LMBRD2: variants seen among roughly 807,000 people sequenced by gnomAD.
LMBRD2 encodes LMBR1 domain containing 2.
In LMBRD2, 55 loss-of-function variants were observed where a neutral mutation model predicts 94.4. That is an observed-to-expected ratio of 0.58 (90% CI 0.47 to 0.73). LMBRD2 has a LOEUF of 0.73. Ranked by LOEUF, LMBRD2 falls within the 30% of genes least tolerant of loss-of-function variation. The probability of loss-of-function intolerance (pLI) is 0.00; values close to 1 mark genes in which losing one functional copy is unlikely to be tolerated. For synonymous variants in LMBRD2, 246 were observed against 272.4 expected (o/e 0.90, Z 0.95); for missense variants, 640 against 831.9 (o/e 0.77, Z 2.84).
intron 7 of LMBRD2, among the ~76,000 whole-genome samples, chr5:36,123,940 T>C (rs984974956): frequency 1.3e-5 from 2 of 151,948 alleles, no homozygotes; most frequent in Admixed American, 1.3e-4. Flanking sequence ...ATTTCCATCA[T>C]TGTCATGACA....
At chr5:36,114,276 C>T in intron 13 of LMBRD2, 148 bp downstream of exon 13, 4 of 845,552 alleles carry the variant, frequency 4.7e-6, no homozygotes, top group African/African-American at 1.8e-5. Context: ...CACCTGATCA[C>T]TCAAGTAGTC....
intron 6 of LMBRD2, among the ~76,000 whole-genome samples, chr5:36,128,408 G>T (rs1301300705): frequency 6.6e-6 from 1 of 152,126 alleles, no homozygotes; most frequent in African/African-American, 2.4e-5. Flanking sequence ...AGAAAAACAT[G>T]ACCTCACCAA....
At chr5:36,122,787 A>G (rs1743917677) in intron 8 of LMBRD2, 61 bp downstream of exon 8, 3 of 1,519,644 alleles carry the variant, frequency 2.0e-6, no homozygotes, top group Non-Finnish European at 2.6e-6. Context: ...TTTTATGAGC[A>G]ATGATTAGAA....
At chr5:36,111,650 T>C (rs1743609770) in intron 13 of LMBRD2, among the ~76,000 whole-genome samples, 1 of 152,108 alleles carries the variant, frequency 6.6e-6, no homozygotes, top group Non-Finnish European at 1.5e-5. Context: ...TACTATATCT[T>C]ATCTGAAGAC....
rs746121574 is a variant in LMBRD2, at chr5:36,098,909, C to T, written c.*5137G>A. On this transcript the variant is annotated 3_prime_UTR_variant, in exon 18 of 18. Transcript: ENST00000296603. ...GTGGCAATGGCTAACTAAAGATAAACTTGGCATCATGCACCAAAAATGACC... is the reference window on the plus strand; with the variant it reads ...GTGGCAATGGCTAACTAAAGATAAATTTGGCATCATGCACCAAAAATGACC... The T allele has an allele frequency of 2.0e-5, 3 of 152,058 alleles. No individual in the cohort carries two copies. The highest frequency in any genetic ancestry group is 4.4e-5 in the Non-Finnish European group (3 of 67,958). 9.4% of individuals were successfully genotyped at this position (152,058 alleles called of 1,614,324 possible).
At chr5:36,116,730 G>A in intron 10 of LMBRD2, 137 bp from the exon 11 acceptor site, 4 of 740,038 alleles carry the variant, frequency 5.4e-6, no homozygotes, top group Non-Finnish European at 6.4e-6. Context: ...AGGCTGGAGT[G>A]CAGTGGCGCG....
Position 36,115,075 on chromosome 5 carries a change from A to G in LMBRD2, c.1482T>C (p.Gly494=). Residue 494 remains glycine (G), a synonymous_variant, in exon 12 of 18, where the codon GGT becomes GGC. Transcript: ENST00000296603. ...LTPPLCLNFL[G]LTHMDSSISH... ...AGATAGATGAATCCATATGGGTCAAACCCAAGAAATTAAGACATAAAGGAG... is the reference window on the plus strand; with the variant it reads ...AGATAGATGAATCCATATGGGTCAAGCCCAAGAAATTAAGACATAAAGGAG... The G allele has an allele frequency of 6.2e-7, 1 of 1,612,432 alleles. No homozygotes were observed. The highest frequency in any genetic ancestry group is 8.5e-7 in the Non-Finnish European group (1 of 1,179,080).
In LMBRD2 at chr5:36,116,586, C is replaced by G. The variant is rs1008100873; in HGVS notation, c.1310G>C (p.Cys437Ser). ...TYNYIYIEIACFLSIFFLSIC... is the reference protein window; with the variant it reads ...TYNYIYIEIASFLSIFFLSIC... ...ACTTAGGAAGAAGATGGAAAGGAAG[C>G]AGGCAATCTGGAAAAAAACAAAAAC... The change falls in exon 11 of 18, where the codon TGC (cysteine) becomes TCC (serine). Residue 437 changes from cysteine (C) to serine (S), a missense_variant. Around this residue, in one of 2 missense-constraint regions of LMBRD2, gnomAD observed 457 missense variants for 642.8 expected, o/e 0.71. Coordinates refer to ENST00000296603, the MANE Select transcript of LMBRD2 (RefSeq NM_001007527.2). 6.2e-7 allele frequency: 1 copy of G among 1,610,586 alleles called. No individual in the cohort carries two copies. The highest frequency in any genetic ancestry group is 1.3e-5 in the African/African-American group (1 of 74,596).
At chr5:36,124,398 A>T in intron 6 of LMBRD2, 133 bp from the exon 7 acceptor site, 1 of 544,420 alleles carries the variant, frequency 1.8e-6, no homozygotes, top group Non-Finnish European at 3.3e-6. Flanking sequence ...TTACATGAAT[A>T]AAGGTTCTTA....
chr5:36,117,668 G>A, intron 10 of LMBRD2, 67 bp downstream of exon 10: 1 of 1,119,218 alleles, frequency 8.9e-7, no homozygotes, highest in Admixed American at 2.7e-5. Context: ...AGAAATACAT[G>A]GAGAAAATAG....
chr5:36,148,967 A>G lies in LMBRD2; in HGVS notation c.-58+2589T>C, dbSNP rs142141082. Among the ~76,000 whole-genome samples, 223 of 152,358 alleles carry G rather than the reference A, an allele frequency of 1.5e-3. 1 individual carries two copies. Among genetic ancestry groups the G allele is most frequent in the African/African-American group, 5.0e-3 (208 of 41,582 alleles). ...ACGCAAACTTTTTACATTACAGATTATACTACTATTACTTGATTTAAGGGT... is the reference window on the plus strand; with the variant it reads ...ACGCAAACTTTTTACATTACAGATTGTACTACTATTACTTGATTTAAGGGT... On this transcript the variant is annotated intron_variant, in intron 1 of 17. Transcript: ENST00000296603.
At position 36,108,594 on chromosome 5, in the gene LMBRD2, T is replaced by C; in HGVS notation, c.1837A>G (p.Asn613Asp). Residue 613 changes from asparagine to aspartate, a missense_variant, in exon 16 of 18, where the codon AAC becomes GAC. Coordinates refer to ENST00000296603, the MANE Select transcript of LMBRD2 (RefSeq NM_001007527.2). Reference sequence around the variant, plus strand: ...TTGGGGTCAGTATGAATATTTCTGTTCCTAGTGGAATCTTCTCTATTGTGT... The same window carrying C: ...TTGGGGTCAGTATGAATATTTCTGTCCCTAGTGGAATCTTCTCTATTGTGT... The part of the protein sequence containing the change: ...YGHNREDSTR[N>D]RNIHTDPKES... The C allele has an allele frequency of 6.3e-7, 1 of 1,596,130 alleles. No individual in the cohort carries two copies. Among genetic ancestry groups the C allele is most frequent in the African/African-American group, 1.3e-5 (1 of 74,758 alleles).
chr5:36,100,080 T>C lies in LMBRD2; in HGVS notation c.*3966A>G, dbSNP rs931370208. The C allele has an allele frequency of 1.3e-5, 2 of 152,122 alleles. No homozygotes were observed. The highest frequency in any genetic ancestry group is 2.9e-5 in the Non-Finnish European group (2 of 68,012). 9.4% of individuals were successfully genotyped at this position (152,122 alleles called of 1,614,324 possible). A position where few individuals can be genotyped will look rare whatever the true frequency, so the allele number is the denominator to read the frequency against. On this transcript the variant is annotated 3_prime_UTR_variant, in exon 18 of 18. Coordinates refer to ENST00000296603, the MANE Select transcript of LMBRD2 (RefSeq NM_001007527.2). ...CACTGAGTTGGAAAGAAGTACCTCA[T>C]ACAGATGGGAATTCATATTTTAGAA...
chr5:36,100,246 T>TA lies in LMBRD2; in HGVS notation c.*3799dup, dbSNP rs973856468. 2.0e-5 allele frequency: 3 copies of TA among 152,120 alleles called. No homozygotes were observed. Among genetic ancestry groups the TA allele is most frequent in the African/African-American group, 7.2e-5 (3 of 41,444 alleles). The allele number at this position is 152,120 out of a possible 1,614,324, so 9.4% of individuals were successfully genotyped here. ...TTTGGGGGGGAAATCTATTTTTATG[T>TA]AAAAATATTACACTGAAAACAATTT... On this transcript the variant is annotated 3_prime_UTR_variant, in exon 18 of 18. Coordinates refer to ENST00000296603, the MANE Select transcript of LMBRD2 (RefSeq NM_001007527.2).
chr5:36,148,190 GA>G (rs998216566), intron 1 of LMBRD2, among the ~76,000 whole-genome samples: 4 of 150,768 alleles, frequency 2.7e-5, no homozygotes, highest in African/African-American at 7.3e-5. Flanking sequence ...AGGTATGAGA[GA>G]GTTCAGTTTA....
intron 13 of LMBRD2, 30 bp from the exon 14 acceptor site, chr5:36,111,288 A>G (rs758452465): frequency 5.8e-6 from 8 of 1,371,666 alleles, no homozygotes; most frequent in Non-Finnish European, 7.3e-6. Context: ...TAAAAAGACA[A>G]ACATTATTTC....
chr5:36,125,184 A>G (rs1743980486), intron 6 of LMBRD2, among the ~76,000 whole-genome samples: 1 of 152,168 alleles, frequency 6.6e-6, no homozygotes, highest in African/African-American at 2.4e-5. Flanking sequence ...AGTAGTTCCT[A>G]AGGAATCACA....
At position 36,143,290 on chromosome 5, in the gene LMBRD2, C is replaced by T. The variant is rs267766; in HGVS notation, c.60G>A (p.Leu20=). The T allele has an allele frequency of 0.4, 651,303 of 1,610,600 alleles. 134,219 individuals carry two copies. Among genetic ancestry groups the T allele is most frequent in the African/African-American group, 0.43 (31,843 of 74,812 alleles). The change falls in exon 2 of 18, where the codon CTG becomes CTA. Residue 20 remains leucine, a synonymous_variant. Coordinates refer to ENST00000296603, the MANE Select transcript of LMBRD2 (RefSeq NM_001007527.2). ...IVFVFFLALF[L]LHRYGDFKKQ... Reference sequence around the variant, plus strand: ...TCTTAAAGTCTCCATATCGATGAAGCAGAAATAATGCCAGAAAAAAGACAA... The same window carrying T: ...TCTTAAAGTCTCCATATCGATGAAGTAGAAATAATGCCAGAAAAAAGACAA...
At chr5:36,124,396 A>G in intron 6 of LMBRD2, 131 bp from the exon 7 acceptor site, 1 of 548,284 alleles carries the variant, frequency 1.8e-6, no homozygotes, top group Non-Finnish European at 3.2e-6. Context: ...CATTACATGA[A>G]TAAAGGTTCT....
Sources: gnomAD v4.1 joint callset for allele counts (sites outside exome capture counted in the v4.1 genomes callset) on GRCh38, gnomAD v4.1.1 for gene constraint, gnomAD v4.1.1 regional missense constraint, MANE v1.5 for transcripts, NCBI Gene and HGNC (gene_info 2026-07-23, HGNC 2026-07-21) for gene names.